Variants in PPM1E observed in about 807,000 individuals in gnomAD.
PPM1E encodes protein phosphatase, Mg2+/Mn2+ dependent 1E.
In PPM1E, 20 loss-of-function variants were observed where a neutral mutation model predicts 65.9. The observed-to-expected ratio is 0.30, with a 90% CI of 0.21 to 0.44. The LOEUF is 0.44. Ranked by LOEUF, PPM1E falls within the 20% of genes least tolerant of loss-of-function variation. The pLI, the probability that PPM1E is intolerant of heterozygous loss-of-function variation, is 1.00. For synonymous variants in PPM1E, 352 were observed against 374.9 expected, an observed-to-expected ratio of 0.94 and a Z score of 0.70; for missense variants, 713 against 953.1, an observed-to-expected ratio of 0.75 and a Z score of 3.32.
In PPM1E at chr17:58,882,461, G is replaced by T. The variant is rs934411937; in HGVS notation, c.465-73188G>T. 7.2e-5 allele frequency among the ~76,000 whole-genome samples: 11 copies of T among 152,170 alleles called. 1 individual carries two copies. Among genetic ancestry groups the T allele is most frequent in the Admixed American group, 6.5e-4 (10 of 15,272 alleles). On this transcript the variant is annotated intron_variant, in intron 1 of 6. Coordinates refer to ENST00000308249, the MANE Select transcript of PPM1E (RefSeq NM_014906.5). Reference sequence around the variant, plus strand: ...GCTGGAGTGCAATGGTGCCATCCCGGCTCACTGCAACGTCTGCTTCCTTGG... The same window carrying T: ...GCTGGAGTGCAATGGTGCCATCCCGTCTCACTGCAACGTCTGCTTCCTTGG...
At chr17:58,939,733 G>A (rs188586249) in intron 1 of PPM1E, among the ~76,000 whole-genome samples, 33 of 151,962 alleles carry the variant, frequency 2.2e-4, no homozygotes, top group Non-Finnish European at 2.5e-4. Context: ...TTTTATTTCC[G>A]TCTATGAATA....
At chr17:58,841,810 C>T (rs1243310842) in intron 1 of PPM1E, among the ~76,000 whole-genome samples, 4 of 151,988 alleles carry the variant, frequency 2.6e-5, no homozygotes, top group Non-Finnish European at 4.4e-5. Flanking sequence ...TGGGTTCAAG[C>T]GATTCTCCTG....
chr17:58,961,635 C>T (rs1040384154), intron 2 of PPM1E, among the ~76,000 whole-genome samples: 2 of 152,088 alleles, frequency 1.3e-5, no homozygotes, highest in East Asian at 1.9e-4. Flanking sequence ...ATATTACTTC[C>T]TCTAACCAAG....
chr17:58,764,758 TA>T (rs2049856942), intron 1 of PPM1E, among the ~76,000 whole-genome samples: 1 of 152,014 alleles, frequency 6.6e-6, no homozygotes, highest in African/African-American at 2.4e-5. Flanking sequence ...CATGCTCGGC[TA>T]ATTTTTATAT....
chr17:58,775,664 C>T (rs12950119), intron 1 of PPM1E, among the ~76,000 whole-genome samples: 37,307 of 151,536 alleles, frequency 0.25, 5,372 homozygotes, highest in Middle Eastern at 0.41. Context: ...CCTGTAATCC[C>T]AGCACTTTGG....
intron 1 of PPM1E, among the ~76,000 whole-genome samples, chr17:58,885,790 C>T (rs2051258103): frequency 6.6e-6 from 1 of 152,184 alleles, no homozygotes; most frequent in African/African-American, 2.4e-5. Flanking sequence ...GTCTGGAATA[C>T]CCCTCTTCAA....
At chr17:58,856,388 G>A (rs1467546220) in intron 1 of PPM1E, among the ~76,000 whole-genome samples, 2 of 151,990 alleles carry the variant, frequency 1.3e-5, no homozygotes, top group African/African-American at 2.4e-5. Context: ...ACAGGCCTGC[G>A]CCACCATGCC....
chr17:58,966,439 A>C (rs1045782176), intron 3 of PPM1E: 1 of 298,868 alleles, frequency 3.3e-6, no homozygotes, highest in Non-Finnish European at 6.4e-6. Context: ...AAAAAAAAAA[A>C]AACCCAAACT....
chr17:58,756,295 GA>G lies in PPM1E; in HGVS notation c.299del (p.Glu100GlyfsTer66). ...GGCGGTTGAGGGTGAGGAGGAGGAG[GA>G]GGGCGCGGCGACGGCGGCGGCAGCC... ...EAAVEGEEEE[E>X]GAATAAAAPG... is the part of the protein sequence containing the mutation. On this transcript the variant is annotated frameshift_variant, in exon 1 of 7. Transcript: ENST00000308249. LOFTEE classifies it high-confidence loss of function. The G allele has an allele frequency of 6.5e-7, 1 of 1,528,412 alleles. No homozygotes were observed. The highest frequency in any genetic ancestry group is 8.8e-7 in the Non-Finnish European group (1 of 1,137,784). 94.7% of individuals were successfully genotyped at this position (1,528,412 alleles called of 1,614,324 possible). A position where few individuals can be genotyped will look rare whatever the true frequency, so the allele number is the denominator to read the frequency against.
Position 58,851,915 on chromosome 17 carries a change from C to T in PPM1E, c.464+95454C>T, listed in dbSNP as rs547103312. Among the ~76,000 whole-genome samples the T allele has an allele frequency of 4.1e-4, 62 of 152,338 alleles. No homozygotes were observed. In the South Asian group the frequency reaches 0.011, roughly 28 times the overall value. On this transcript the variant is annotated intron_variant, in intron 1 of 6. Coordinates refer to ENST00000308249, the MANE Select transcript of PPM1E (RefSeq NM_014906.5). ...GAGGCAGGCAGGCCTCCTTCGGCTG[C>T]GGTGGGCTCCACCCAGTTCAAGCTT...
chr17:58,889,450 A>G (rs938138320), intron 1 of PPM1E, among the ~76,000 whole-genome samples: 15 of 152,080 alleles, frequency 9.9e-5, no homozygotes, highest in African/African-American at 3.6e-4. Flanking sequence ...AATACAAAAA[A>G]TAACTGGGCG....
intron 1 of PPM1E, among the ~76,000 whole-genome samples, chr17:58,810,668 C>T (rs2143093535): frequency 6.6e-6 from 1 of 152,228 alleles, no homozygotes; most frequent in African/African-American, 2.4e-5. Context: ...TGATCTTTGC[C>T]TAGATTTATA....
At chr17:58,924,117 G>A (rs1024270989) in intron 1 of PPM1E, among the ~76,000 whole-genome samples, 1 of 151,314 alleles carries the variant, frequency 6.6e-6, no homozygotes, top group Non-Finnish European at 1.5e-5. Context: ...ACAGGGTTTC[G>A]TCATGTTGGC....
At chr17:58,852,822 T>C (rs1425567866) in intron 1 of PPM1E, among the ~76,000 whole-genome samples, 1 of 152,152 alleles carries the variant, frequency 6.6e-6, no homozygotes, top group Non-Finnish European at 1.5e-5. Context: ...CAGGATGGTC[T>C]CGATCTCTTG....
chr17:58,972,759 T>A, intron 5 of PPM1E, 73 bp from the exon 6 acceptor site: 2 of 1,318,426 alleles, frequency 1.5e-6, no homozygotes, highest in East Asian at 2.3e-5. Context: ...ATTATATCTG[T>A]TGTTTACTGT....
At chr17:58,818,001 A>G (rs1171067488) in intron 1 of PPM1E, among the ~76,000 whole-genome samples, 3 of 152,024 alleles carry the variant, frequency 2.0e-5, no homozygotes, top group African/African-American at 7.2e-5. Flanking sequence ...GGCCTCCCAA[A>G]GTGCTGGGAT....
intron 1 of PPM1E, among the ~76,000 whole-genome samples, chr17:58,900,255 C>T (rs1052550430): frequency 1.3e-5 from 2 of 152,170 alleles, no homozygotes; most frequent in South Asian, 2.1e-4. Flanking sequence ...TGTCAACCAG[C>T]GCTGTATGCT....
chr17:58,813,269 C>T (rs2050387062), intron 1 of PPM1E, among the ~76,000 whole-genome samples: 1 of 152,120 alleles, frequency 6.6e-6, no homozygotes, highest in African/African-American at 2.4e-5. Flanking sequence ...CCTTGGCTAC[C>T]TTGTACAATG....
At chr17:58,934,775 A>C (rs995405281) in intron 1 of PPM1E, among the ~76,000 whole-genome samples, 2 of 151,858 alleles carry the variant, frequency 1.3e-5, no homozygotes, top group African/African-American at 4.8e-5. Flanking sequence ...AAAAATACAA[A>C]AATTAGCTGG....
Sources: allele counts gnomAD v4.1 joint callset (sites outside exome capture counted in the v4.1 genomes callset), GRCh38; gene constraint gnomAD v4.1.1; transcripts MANE v1.5; gene names NCBI Gene and HGNC (gene_info 2026-07-23, HGNC 2026-07-21).